The following CRBN variants were observed in gnomAD, a reference collection of about 807,000 sequenced individuals.
CRBN encodes the protein protein cereblon.
A neutral mutation model predicts 62.2 loss-of-function variants in CRBN; 53 were observed. The ratio of observed to expected loss-of-function variants is 0.85; its 90% CI spans 0.68 to 1.07. CRBN has a LOEUF of 1.07. CRBN is among the 50% of genes least tolerant of loss of function. The pLI, the probability that CRBN is intolerant of heterozygous loss-of-function variation, is 0.00. For synonymous variants in CRBN, 208 were observed against 176.1 expected, an observed-to-expected ratio of 1.18 and a Z score of -1.43; for missense variants, 616 against 531.1, an observed-to-expected ratio of 1.16 and a Z score of -1.57.
intron 5 of CRBN, among the ~76,000 whole-genome samples, chr3:3,158,838 T>C (rs771392621): frequency 3.3e-5 from 5 of 152,184 alleles, no homozygotes; most frequent in African/African-American, 1.2e-4. Flanking sequence ...CTGATAGGGT[T>C]TGGCCGTGTC....
intron 7 of CRBN, 85 bp from the exon 8 acceptor site, chr3:3,154,160 A>G: frequency 1.2e-6 from 1 of 801,596 alleles, no homozygotes; most frequent in Non-Finnish European, 2.2e-6. Flanking sequence ...TCCTTTTGAA[A>G]TAAACCCTTC....
intron 5 of CRBN, among the ~76,000 whole-genome samples, chr3:3,163,145 C>T (rs1049913618): frequency 3.3e-5 from 5 of 152,170 alleles, no homozygotes; most frequent in African/African-American, 4.8e-5. Flanking sequence ...GATCAGCTAG[C>T]GGTTTCTCTT....
At chr3:3,167,191 T>C (rs1707384451) in intron 5 of CRBN, among the ~76,000 whole-genome samples, 1 of 152,112 alleles carries the variant, frequency 6.6e-6, no homozygotes, top group African/African-American at 2.4e-5. Flanking sequence ...GTCAACTGTA[T>C]TTCATTAAAA....
At chr3:3,161,223 A>C (rs989958919) in intron 5 of CRBN, among the ~76,000 whole-genome samples, 4 of 152,184 alleles carry the variant, frequency 2.6e-5, no homozygotes, top group African/African-American at 9.7e-5. Flanking sequence ...GAGACTATAA[A>C]GCTTACAAGG....
chr3:3,161,857 C>T (rs1707154249), intron 5 of CRBN, among the ~76,000 whole-genome samples: 1 of 152,110 alleles, frequency 6.6e-6, no homozygotes, highest in African/African-American at 2.4e-5. Context: ...TGTATCCATA[C>T]AAAAGAATTC....
rs1319714037 is a variant in CRBN at position 3,174,239 on chromosome 3, T to G, written c.197A>C (p.Glu66Ala). 2 of 1,613,908 alleles carry G rather than the reference T, an allele frequency of 1.2e-6. No homozygotes were observed. The highest frequency in any genetic ancestry group is 2.7e-5 in the African/African-American group (2 of 74,932). The change falls in exon 3 of 11, where the codon GAA becomes GCA. Residue 66 changes from glutamate to alanine, a missense_variant. Glu to Ala is a moderately radical substitution (Grantham distance 107). Transcript: ENST00000231948. ...ATCGTGCAAAGTCCTGCCATGAAAT[T>G]CTTCCATATCAGCACCTAGGTACTA... ...SHTYLGADME[E>A]FHGRTLHDDD...
chr3:3,172,631 AACCACTGGGCTAT>A, intron 4 of CRBN, 132 bp downstream of exon 4: 1 of 814,276 alleles, frequency 1.2e-6, no homozygotes, highest in Non-Finnish European at 2.0e-6. Context: ...CAAGGTTGGA[AACCACTGGGCTAT>A]ACCTTAGAAG....
At position 3,150,938 on chromosome 3, in the gene CRBN, C is replaced by G. The variant is rs760799393; in HGVS notation, c.1256G>C (p.Arg419Pro). 3 of 1,613,958 alleles carry G rather than the reference C, an allele frequency of 1.9e-6. No homozygotes were observed. The highest frequency in any genetic ancestry group is 2.5e-6 in the Non-Finnish European group (3 of 1,179,962). Residue 419 changes from arginine (R) to proline (P), a missense_variant, in exon 11 of 11, where the codon CGA (arginine) becomes CCA (proline). Physicochemically the swap from Arg to Pro is moderately radical, Grantham distance 103 (BLOSUM62 -2). Transcript: ENST00000231948. ...TGGGATCGTGGGCAACAGAGCAGAT[C>G]GCGTTAAGCCCCAAAATTTTTGAGG... The part of the protein sequence containing the change: ...MSPQKFWGLT[R>P]SALLPTIPDT...
At chr3:3,178,708 C>T (rs1464889816) in intron 1 of CRBN, among the ~76,000 whole-genome samples, 7 of 152,164 alleles carry the variant, frequency 4.6e-5, no homozygotes, top group African/African-American at 1.7e-4. Context: ...GCAGCCCCGC[C>T]TAGACAGTAA....
At chr3:3,154,105 C>T (rs1376772912) in intron 7 of CRBN, 30 bp from the exon 8 acceptor site, 9 of 1,328,228 alleles carry the variant, frequency 6.8e-6, no homozygotes, top group Non-Finnish European at 9.8e-6. Flanking sequence ...AAGTTTTAAA[C>T]TTAGGAGTCA....
intron 2 of CRBN, among the ~76,000 whole-genome samples, chr3:3,174,463 G>A (rs1707750978): frequency 6.6e-6 from 1 of 151,902 alleles, no homozygotes. Context: ...CAACATGGTG[G>A]AACCCTGTTG....
rs758795065 is a variant in CRBN, at chr3:3,152,583, A to G, written c.1021T>C (p.Ser341Pro). The G allele has an allele frequency of 6.2e-7, 1 of 1,614,094 alleles. No individual in the cohort carries two copies. The highest frequency in any genetic ancestry group is 1.7e-5 in the Admixed American group (1 of 59,994). Reference protein sequence around the residue: ...ITTKNEIFSLSLCGPMAAYVN... With the variant: ...ITTKNEIFSLPLCGPMAAYVN... ...TAAGCTGCCATCGGCCCACATAAGG[A>G]TAAACTAAAACAAAGAATCAACATG... The change falls in exon 10 of 11, where the codon TCC becomes CCC. Residue 341 changes from serine to proline, a missense_variant. Physicochemically the swap from Ser to Pro is moderately conservative, Grantham distance 74 (BLOSUM62 -1). Coordinates refer to ENST00000231948, the MANE Select transcript of CRBN (RefSeq NM_016302.4).
At chr3:3,152,425 A>C in intron 10 of CRBN, 31 bp downstream of exon 10, 1 of 1,599,528 alleles carries the variant, frequency 6.3e-7, no homozygotes, top group Non-Finnish European at 8.5e-7. Flanking sequence ...TAAAAAAAGA[A>C]AAAAAAAAGC....
intron 8 of CRBN, 113 bp downstream of exon 8, chr3:3,153,847 T>C: frequency 2.8e-6 from 2 of 715,002 alleles, no homozygotes; most frequent in South Asian, 1.5e-5. Context: ...GAAATCTGAA[T>C]TGCATGACTA....
intron 4 of CRBN, chr3:3,172,505 C>A (rs950394275): frequency 1.5e-5 from 7 of 462,422 alleles, no homozygotes; most frequent in Non-Finnish European, 2.4e-5. Context: ...ATTAGAATCA[C>A]CTGAAAATCA....
Position 3,167,718 on chromosome 3 carries a change from G to A in CRBN, c.603C>T (p.Ser201=). ...AAGGAAATATCTGGCACTTATTGAG[G>A]GATTCTAATTGAACTGCAGACATGG... ...PSTMSAVQLE[S]LNKCQIFPSK... is the part of the protein sequence containing the mutation. The change falls in exon 5 of 11, where the codon TCC becomes TCT. Residue 201 remains serine (S), a synonymous_variant. Coordinates refer to ENST00000231948, the MANE Select transcript of CRBN (RefSeq NM_016302.4). 1 of 1,613,480 alleles carries A rather than the reference G, an allele frequency of 6.2e-7. No homozygotes were observed. Among genetic ancestry groups the A allele is most frequent in the Non-Finnish European group, 8.5e-7 (1 of 1,179,582 alleles).
Position 3,154,753 on chromosome 3 carries a change from G to C in CRBN, c.829C>G (p.Pro277Ala). The C allele has an allele frequency of 6.3e-7, 1 of 1,583,684 alleles. No homozygotes were observed. ...NLKDDSLPSN[P>A]IDFSYRVAAC... The stretch of plus-strand genomic sequence containing the variant: ...GGAAACTAACTTTTCATACCTATTG[G>C]ATTTGAAGGAAGAGAATCATCTTTT... The change falls in exon 7 of 11, where the codon CCA becomes GCA. Residue 277 changes from proline (P) to alanine (A), a missense_variant. Physicochemically the swap from Pro to Ala is conservative, Grantham distance 27 (BLOSUM62 -1). Coordinates refer to ENST00000231948, the MANE Select transcript of CRBN (RefSeq NM_016302.4).
intron 4 of CRBN, among the ~76,000 whole-genome samples, chr3:3,169,129 C>T (rs1458527450): frequency 6.6e-6 from 1 of 152,102 alleles, no homozygotes; most frequent in African/African-American, 2.4e-5. Context: ...AAAACAGTAA[C>T]ATTATTGATC....
chr3:3,156,517 C>T (rs1482417008), intron 5 of CRBN: 2 of 532,344 alleles, frequency 3.8e-6, no homozygotes, highest in Non-Finnish European at 6.6e-6. Flanking sequence ...AAAGGTCAAA[C>T]ATTAAAATTT....
Sources: allele counts gnomAD v4.1 joint callset (sites outside exome capture counted in the v4.1 genomes callset), GRCh38; gene constraint gnomAD v4.1.1; transcripts MANE v1.5; gene names NCBI Gene and HGNC (gene_info 2026-07-23, HGNC 2026-07-21).